The following ZBTB49 variants were observed in gnomAD, a reference collection of about 807,000 sequenced individuals.
The protein encoded by ZBTB49 is zinc finger and BTB domain-containing protein 49.
In ZBTB49, 43 loss-of-function variants were observed where a neutral mutation model predicts 57.5. The ratio of observed to expected loss-of-function variants is 0.75; its 90% CI spans 0.59 to 0.97. ZBTB49 has a LOEUF of 0.97. Among genes scored for constraint, ZBTB49 ranks in the 50% least tolerant of loss-of-function variants. The pLI is 0.00. For missense variants in ZBTB49, 938 were observed against 947.7 expected (o/e 0.99, Z 0.13); for synonymous variants, 369 against 362.1 (o/e 1.02, Z -0.22).
Position 4,321,191 on chromosome 4 carries a change from G to C in ZBTB49, c.2173G>C (p.Asp725His). The change falls in exon 8 of 8, where the codon GAC becomes CAC. Residue 725 changes from aspartate (D) to histidine (H), a missense_variant. Asp to His is a moderately conservative substitution (Grantham distance 81, BLOSUM62 -1). Transcript: ENST00000337872. ...SLAALDNHGG[D>H]PLGSRASSTT... ...GGCTGCTTTGGACAACCACGGCGGT[G>C]ACCCCCTGGGCAGTCGAGCATCTTC... The C allele has an allele frequency of 6.2e-7, 1 of 1,614,192 alleles. No homozygotes were observed. The highest frequency in any genetic ancestry group is 8.5e-7 in the Non-Finnish European group (1 of 1,180,034).
Position 4,302,649 on chromosome 4 carries a change from C to T in ZBTB49, c.813C>T (p.His271=). 1 of 1,611,024 alleles carries T rather than the reference C, an allele frequency of 6.2e-7. No homozygotes were observed. Among genetic ancestry groups the T allele is most frequent in the Non-Finnish European group, 8.5e-7 (1 of 1,178,278 alleles). Residue 271 remains histidine, a synonymous_variant, in exon 3 of 8, where the codon CAC becomes CAT. Coordinates refer to ENST00000337872, the MANE Select transcript of ZBTB49 (RefSeq NM_145291.4). ...HSECILESPE[H]LPSNFLAQPV... ...AATGCATCCTGGAGTCTCCCGAGCACTTACCTTCCAACTTCCTGGCCCAGC... is the reference window on the plus strand; with the variant it reads ...AATGCATCCTGGAGTCTCCCGAGCATTTACCTTCCAACTTCCTGGCCCAGC...
intron 1 of ZBTB49, among the ~76,000 whole-genome samples, chr4:4,292,712 C>G (rs1720003631): frequency 1.3e-5 from 2 of 152,296 alleles, no homozygotes; most frequent in East Asian, 3.9e-4. Flanking sequence ...CTTAGGAGCC[C>G]TCTGAGGTAA....
chr4:4,303,107 C>T lies in ZBTB49; in HGVS notation c.1255+16C>T. 1 of 1,564,622 alleles carries T rather than the reference C, an allele frequency of 6.4e-7. No individual in the cohort carries two copies. The highest frequency in any genetic ancestry group is 8.7e-7 in the Non-Finnish European group (1 of 1,154,628). The stretch of plus-strand genomic sequence containing the variant: ...TCTCATACAGGTAACTGATTCAGTA[C>T]CCACAGGCAGAAGGGAAGGACGTAA... On this transcript the variant is annotated intron_variant, in intron 3 of 7. Coordinates refer to ENST00000337872, the MANE Select transcript of ZBTB49 (RefSeq NM_145291.4).
chr4:4,295,850 C>T (rs1057352126), intron 1 of ZBTB49, among the ~76,000 whole-genome samples: 9 of 152,104 alleles, frequency 5.9e-5, no homozygotes, highest in African/African-American at 2.2e-4. Flanking sequence ...AATAAGGTCT[C>T]GATTTGATAG....
At chr4:4,291,085 G>A (rs1299152387) in intron 1 of ZBTB49, among the ~76,000 whole-genome samples, 1 of 152,232 alleles carries the variant, frequency 6.6e-6, no homozygotes, top group African/African-American at 2.4e-5. Context: ...CAAGGTGTGT[G>A]TATATGGGTG....
chr4:4,305,718 G>C (rs894488), intron 3 of ZBTB49, among the ~76,000 whole-genome samples: 9,716 of 152,180 alleles, frequency 0.064, 806 homozygotes, highest in East Asian at 0.32. Flanking sequence ...GGGGCTCTCT[G>C]TGCTCATACC....
rs765634708 is a variant in ZBTB49, at chr4:4,299,978, G to C, written c.33G>C (p.Leu11=). 2 of 1,614,200 alleles carry C rather than the reference G, an allele frequency of 1.2e-6. No homozygotes were observed. Residue 11 remains leucine (L), a synonymous_variant, in exon 2 of 8, where the codon CTG becomes CTC. Transcript: ENST00000337872. ...CTGTTGCTACCCACAGCTGCCATCT[G>C]CTCCAGCAACTGCATGAGCAGCGAA... is the stretch of plus-strand genomic sequence containing the variant. MDPVATHSCH[L]LQQLHEQRIQ... is the part of the protein sequence containing the mutation.
chr4:4,302,969 A>T lies in ZBTB49; in HGVS notation c.1133A>T (p.Asp378Val), dbSNP rs757434291. 1.9e-6 allele frequency: 3 copies of T among 1,614,158 alleles called. No individual in the cohort carries two copies. The highest frequency in any genetic ancestry group is 1.3e-5 in the African/African-American group (1 of 75,038). The change falls in exon 3 of 8, where the codon GAC (aspartate) becomes GTC (valine). Residue 378 changes from aspartate to valine, a missense_variant. Asp to Val is a radical substitution (Grantham distance 152, BLOSUM62 -3). This residue lies in a region of ZBTB49 where 835 missense variants were observed against 819.1 expected (regional missense o/e 1.02). Transcript: ENST00000337872. ...ATTAGTGAGACGGAGAGGCCTGAAG[A>T]CCCGGCTGCCCTGGAAGACCAGTCC... ...NCISETERPE[D>V]PAALEDQSQT...
Position 4,304,836 on chromosome 4 carries a change from A to G in ZBTB49, c.1256-1302A>G, listed in dbSNP as rs553317786. Among the ~76,000 whole-genome samples the G allele has an allele frequency of 3.3e-5, 5 of 152,280 alleles. No individual in the cohort carries two copies. In the East Asian group the frequency reaches 9.7e-4, roughly 29 times the overall value. On this transcript the variant is annotated intron_variant, in intron 3 of 7. Transcript: ENST00000337872. ...AAGTCCTCACCCTGGTGGCCTGTGAAGTGTGTATTTACCTGTTCTAAAGGT... is the reference window on the plus strand; with the variant it reads ...AAGTCCTCACCCTGGTGGCCTGTGAGGTGTGTATTTACCTGTTCTAAAGGT...
intron 1 of ZBTB49, among the ~76,000 whole-genome samples, 151 bp from the exon 2 acceptor site, chr4:4,299,776 G>GTTGTGTGTGTGT (rs1553803868): frequency 1.9e-3 from 201 of 103,728 alleles, no homozygotes; most frequent in Admixed American, 3.8e-3. Context: ...CAGAAACAGA[G>GTTGTGTGTGTGT]GTGTGTGTGT....
intron 1 of ZBTB49, among the ~76,000 whole-genome samples, chr4:4,293,552 G>C (rs1720044557): frequency 6.6e-6 from 1 of 152,152 alleles, no homozygotes; most frequent in South Asian, 2.1e-4. Context: ...CAGGTTTTCT[G>C]TTGCTGTGTA....
intron 1 of ZBTB49, among the ~76,000 whole-genome samples, chr4:4,296,824 T>C (rs990700571): frequency 3.3e-5 from 5 of 152,118 alleles, no homozygotes; most frequent in African/African-American, 9.7e-5. Flanking sequence ...TGTCAGTGTG[T>C]TTGTGTGGAG....
intron 1 of ZBTB49, among the ~76,000 whole-genome samples, chr4:4,299,130 C>T (rs1294560640): frequency 2.0e-5 from 3 of 152,164 alleles, no homozygotes; most frequent in African/African-American, 7.2e-5. Flanking sequence ...ACCTGACCCT[C>T]TGTCCCCTCT....
chr4:4,313,661 C>T (rs4974786), intron 5 of ZBTB49, among the ~76,000 whole-genome samples: 10,894 of 152,130 alleles, frequency 0.072, 970 homozygotes, highest in East Asian at 0.32. Context: ...TGTGGCAGCT[C>T]GATTCCTCTG....
chr4:4,300,922 C>G (rs10937863), intron 2 of ZBTB49, among the ~76,000 whole-genome samples: 9,665 of 151,532 alleles, frequency 0.064, 819 homozygotes, highest in East Asian at 0.33. Context: ...TTTTACTGCT[C>G]TAGTAGACAA....
chr4:4,303,172 A>G (rs1231805688), intron 3 of ZBTB49, 81 bp downstream of exon 3: 10 of 1,432,304 alleles, frequency 7.0e-6, no homozygotes, highest in Non-Finnish European at 8.3e-6. Flanking sequence ...TTGTTTTTGT[A>G]AGAAGTTTTG....
chr4:4,306,278 A>T, intron 4 of ZBTB49, 94 bp downstream of exon 4: 1 of 1,054,842 alleles, frequency 9.5e-7, no homozygotes, highest in Non-Finnish European at 1.4e-6. Context: ...TTGTGAGAGA[A>T]GCCTCTAATG....
At chr4:4,304,013 G>A (rs1366270122) in intron 3 of ZBTB49, among the ~76,000 whole-genome samples, 1 of 152,006 alleles carries the variant, frequency 6.6e-6, no homozygotes, top group Non-Finnish European at 1.5e-5. Context: ...TTCACAGTTT[G>A]CATTTTACGA....
chr4:4,307,277 G>C (rs1720779094), intron 4 of ZBTB49, among the ~76,000 whole-genome samples: 2 of 152,154 alleles, frequency 1.3e-5, no homozygotes, highest in African/African-American at 4.8e-5. Context: ...CAGATGCTCA[G>C]GAAGGATTTG....
Sources: allele counts gnomAD v4.1 joint callset (sites outside exome capture counted in the v4.1 genomes callset), GRCh38; gene constraint gnomAD v4.1.1; regional missense constraint gnomAD v4.1.1; transcripts MANE v1.5; gene names NCBI Gene and HGNC (gene_info 2026-07-23, HGNC 2026-07-21).